The following KLHL23 variants were observed in gnomAD, a reference collection of about 807,000 sequenced individuals.
KLHL23 encodes kelch-like protein 23.
KLHL23 carries 33 observed loss-of-function variants against 48.9 expected under a neutral mutation model. The observed-to-expected ratio is 0.67, with a 90% CI of 0.51 to 0.90. The LOEUF (loss-of-function observed/expected upper bound fraction) is 0.90. KLHL23 is among the 40% of genes least tolerant of loss of function. KLHL23 has a pLI of 0.00. For missense variants in KLHL23, 608 were observed against 669.6 expected (o/e 0.91, Z 1.02); for synonymous variants, 234 against 231.6 (o/e 1.01, Z -0.09).
At chr2:169,741,266 G>A in intron 2 of KLHL23, 119 bp from the exon 3 acceptor site, 1 of 1,367,236 alleles carries the variant, frequency 7.3e-7, no homozygotes, top group Non-Finnish European at 9.9e-7. Context: ...ATAGCACTTA[G>A]CACAGTACCT....
At position 169,749,434 on chromosome 2, in the gene KLHL23, G is replaced by A; in HGVS notation, c.1379G>A (p.Cys460Tyr). Residue 460 changes from cysteine (C) to tyrosine (Y), a missense_variant, in exon 4 of 4, where the codon TGC becomes TAC. Physicochemically the swap from Cys to Tyr is radical, Grantham distance 194. Around this residue, in one of 3 missense-constraint regions of KLHL23, gnomAD observed 179 missense variants for 169.9 expected, o/e 1.05. Coordinates refer to ENST00000392647, the MANE Select transcript of KLHL23 (RefSeq NM_144711.6). ...TTCTTTTTAAAAGAATATGGATTGT[G>A]CTCAGTTCCGTTTGAAAATAAGCTC... ...TSSPHPEYGL[C>Y]SVPFENKLYL... 2 of 1,610,314 alleles carry A rather than the reference G, an allele frequency of 1.2e-6. No individual in the cohort carries two copies. Among genetic ancestry groups the A allele is most frequent in the Non-Finnish European group, 1.7e-6 (2 of 1,177,184 alleles).
rs144124483 is a variant in KLHL23, at chr2:169,736,550, C to G, written c.1213+323C>G. Among the ~76,000 whole-genome samples, 957 of 152,282 alleles carry G rather than the reference C, an allele frequency of 6.3e-3. 11 individuals carry two copies. The highest frequency in any genetic ancestry group is 0.022 in the African/African-American group (921 of 41,550). ...CTCTCAAAATACGCTGATCAGCTCT[C>G]AAGAGGTCCTTCATTAAAACCTTGG... On this transcript the variant is annotated intron_variant, in intron 2 of 3. Transcript: ENST00000392647.
Position 169,735,307 on chromosome 2 carries a change from C to A in KLHL23, c.293C>A (p.Ser98Tyr). The A allele has an allele frequency of 6.2e-7, 1 of 1,613,560 alleles. No homozygotes were observed. Among genetic ancestry groups the A allele is most frequent in the East Asian group, 2.2e-5 (1 of 44,878 alleles). Reference protein sequence around the residue: ...LEGLVNYAYTSQIEITKRNVQ... With the variant: ...LEGLVNYAYTYQIEITKRNVQ... The stretch of plus-strand genomic sequence containing the variant: ...GGCCTTGTAAATTATGCATACACTT[C>A]CCAAATTGAAATAACTAAAAGAAAT... Residue 98 changes from serine to tyrosine, a missense_variant, in exon 2 of 4, where the codon TCC becomes TAC. Physicochemically the swap from Ser to Tyr is moderately radical, Grantham distance 144 (BLOSUM62 -2). Coordinates refer to ENST00000392647, the MANE Select transcript of KLHL23 (RefSeq NM_144711.6). The surrounding 1 kb of genome is among the most constrained non-coding windows in gnomAD (Gnocchi z 4.5).
intron 3 of KLHL23, among the ~76,000 whole-genome samples, chr2:169,742,502 C>G (rs1335114546): frequency 2.0e-5 from 3 of 152,226 alleles, no homozygotes; most frequent in African/African-American, 7.2e-5. Context: ...GACCAGGGTT[C>G]AAAATCTGAC....
At position 169,741,494 on chromosome 2, in the gene KLHL23, C is replaced by A. The variant is rs377752404; in HGVS notation, c.1323C>A (p.Ser441=). Residue 441 remains serine (S), a synonymous_variant, in exon 3 of 4, where the codon TCC becomes TCA. Coordinates refer to ENST00000392647, the MANE Select transcript of KLHL23 (RefSeq NM_144711.6). ...ATGACAAAGTTCAGAGCTACAATTC[C>A]GATATCAACGAATGGAGCCTCATCA... ...CTYDKVQSYN[S]DINEWSLITS... 2 of 1,613,694 alleles carry A rather than the reference C, an allele frequency of 1.2e-6. No homozygotes were observed. The highest frequency in any genetic ancestry group is 1.7e-6 in the Non-Finnish European group (2 of 1,179,892).
At position 169,740,768 on chromosome 2, in the gene KLHL23, ATAT is replaced by A. The variant is rs1688656578; in HGVS notation, c.1214-616_1214-614del. 3.3e-4 allele frequency among the ~76,000 whole-genome samples: 14 copies of A among 41,878 alleles called. 4 individuals are homozygous for A. The highest frequency in any genetic ancestry group is 3.3e-3 in the East Asian group (6 of 1,822). The allele number at this position is 41,878 out of a possible 152,430, so 27.5% of individuals were successfully genotyped here. On this transcript the variant is annotated intron_variant, in intron 2 of 3. Transcript: ENST00000392647. ...CGGCCTCTATAAGCTTTTTTATATTATATATATATATATATATATATATAACTT... is the reference window on the plus strand; with the variant it reads ...CGGCCTCTATAAGCTTTTTTATATTAATATATATATATATATATATAACTT...
Position 169,749,937 on chromosome 2 carries a change from A to ATATATATGTGTT in KLHL23, c.*205_*206insTATATATGTGTT, listed in dbSNP as rs1688904625. 3 of 271,696 alleles carry ATATATATGTGTT rather than the reference A, an allele frequency of 1.1e-5. No homozygotes were observed. Among genetic ancestry groups the ATATATATGTGTT allele is most frequent in the Admixed American group, 4.9e-5 (1 of 20,502 alleles). 16.8% of individuals were successfully genotyped at this position (271,696 alleles called of 1,614,324 possible). ...CTTATATATATATATATATACACACACACATATATGTGTTCATATATATGT... is the reference window on the plus strand; with the variant it reads ...CTTATATATATATATATATACACACATATATATGTGTTCACATATATGTGTTCATATATATGT... On this transcript the variant is annotated 3_prime_UTR_variant, in exon 4 of 4. Transcript: ENST00000392647.
At position 169,746,551 on chromosome 2, in the gene KLHL23, G is replaced by A. The variant is rs187863975; in HGVS notation, c.1367-2871G>A. Among the ~76,000 whole-genome samples the A allele has an allele frequency of 1.9e-3, 290 of 152,306 alleles. 1 individual carries two copies. Among genetic ancestry groups the A allele is most frequent in the Non-Finnish European group, 3.3e-3 (222 of 68,032 alleles). On this transcript the variant is annotated intron_variant, in intron 3 of 3. Transcript: ENST00000392647. ...TGCTGCTATATACTCAGTGCTAGGA[G>A]CACAGTGAGCAAGGCACAGTCCCAG...
At chr2:169,741,122 A>G (rs1688667227) in intron 2 of KLHL23, 2 of 305,154 alleles carry the variant, frequency 6.6e-6, no homozygotes, top group South Asian at 1.1e-4. Context: ...CAGTATCACT[A>G]GGTGATAGGA....
chr2:169,738,861 CCCTCTCTT>C (rs1688590452), intron 2 of KLHL23, among the ~76,000 whole-genome samples: 1 of 2,414 alleles, frequency 4.1e-4, no homozygotes, highest in Non-Finnish European at 6.8e-4. Flanking sequence ...CCTCACCCTC[CCCTCTCTT>C]CCCCCTTCCC....
chr2:169,736,220 G>C lies in KLHL23; in HGVS notation c.1206G>C (p.Met402Ile). The change falls in exon 2 of 4, where the codon ATG becomes ATC. Residue 402 changes from methionine (M) to isoleucine (I), a missense_variant. Met to Ile is a conservative substitution (Grantham distance 10, BLOSUM62 1). Transcript: ENST00000392647. ...AGAAATGGATTCCTATTGCAAACAT[G>C]ATTAAAGGTAAGTGGAGATTATGTT... Reference protein sequence around the residue: ...LKEKWIPIANMIKGVGNATAC... With the variant: ...LKEKWIPIANIIKGVGNATAC... 1 of 1,603,578 alleles carries C rather than the reference G, an allele frequency of 6.2e-7. No homozygotes were observed. Among genetic ancestry groups the C allele is most frequent in the Non-Finnish European group, 8.5e-7 (1 of 1,175,684 alleles).
chr2:169,739,777 T>C (rs993210823), intron 2 of KLHL23, among the ~76,000 whole-genome samples: 3 of 152,192 alleles, frequency 2.0e-5, no homozygotes, highest in Non-Finnish European at 4.4e-5. Flanking sequence ...AATTTTGTCA[T>C]GTGAACGTTA....
chr2:169,745,619 A>G (rs952647718), intron 3 of KLHL23, among the ~76,000 whole-genome samples: 1 of 151,922 alleles, frequency 6.6e-6, no homozygotes, highest in East Asian at 1.9e-4. Flanking sequence ...ACCAAGGGAG[A>G]AATGCTGAAA....
At chr2:169,738,445 A>G (rs1442779063) in intron 2 of KLHL23, among the ~76,000 whole-genome samples, 1 of 152,104 alleles carries the variant, frequency 6.6e-6, no homozygotes, top group East Asian at 1.9e-4. Flanking sequence ...GGTAGAAAGG[A>G]TAACATTTTT....
chr2:169,734,216 GCAGA>G (rs1688454004), intron 1 of KLHL23, 129 bp downstream of exon 1: 1 of 147,476 alleles, frequency 6.8e-6, no homozygotes, highest in South Asian at 1.8e-4. Context: ...GGAGAGGAGC[GCAGA>G]CAATGGCCGC....
At chr2:169,738,257 T>A (rs946199450) in intron 2 of KLHL23, among the ~76,000 whole-genome samples, 5 of 151,238 alleles carry the variant, frequency 3.3e-5, no homozygotes, top group African/African-American at 9.8e-5. Context: ...AAACAATTTT[T>A]AAAATTTTAT....
chr2:169,744,694 G>T (rs1688756810), intron 3 of KLHL23, among the ~76,000 whole-genome samples: 1 of 151,894 alleles, frequency 6.6e-6, no homozygotes, highest in Admixed American at 6.6e-5. Flanking sequence ...AAGTAGCTGA[G>T]ATTACAGGCG....
rs142098349 is a variant in KLHL23 at position 169,748,355 on chromosome 2, C to T, written c.1367-1067C>T. 1.6e-3 allele frequency among the ~76,000 whole-genome samples: 243 copies of T among 152,290 alleles called. 3 individuals carry two copies. The highest frequency in any genetic ancestry group is 0.01 in the Middle Eastern group (3 of 294). ...CAGAAGGAACAGCTCAGCGATAGTG[C>T]GCTAAATCTTTCCTTGCTTTAATTT... On this transcript the variant is annotated intron_variant, in intron 3 of 3. Transcript: ENST00000392647.
chr2:169,735,398 GT>G lies in KLHL23; in HGVS notation c.389del (p.Leu130TrpfsTer2). The G allele has an allele frequency of 6.2e-7, 1 of 1,613,576 alleles. No homozygotes were observed. Among genetic ancestry groups the G allele is most frequent in the Non-Finnish European group, 8.5e-7 (1 of 1,179,928 alleles). ...TTTCAGTAAAGAAGGCTTGTGAGCGGTTTTTGGTAAGGCACTTGGATATTGA... is the reference window on the plus strand; with the variant it reads ...TTTCAGTAAAGAAGGCTTGTGAGCGGTTTTGGTAAGGCACTTGGATATTGA... The part of the protein sequence containing the change: ...FLSVKKACER[F>X]LVRHLDIDNC... On this transcript the variant is annotated frameshift_variant, in exon 2 of 4. Coordinates refer to ENST00000392647, the MANE Select transcript of KLHL23 (RefSeq NM_144711.6). LOFTEE classifies it high-confidence loss of function. This position sits in a 1 kb window ranked among gnomAD's most constrained non-coding sequence, Gnocchi z 4.5.
Sources: gnomAD v4.1 joint callset for allele counts (sites outside exome capture counted in the v4.1 genomes callset) on GRCh38, gnomAD v4.1.1 for gene constraint, gnomAD v4.1.1 regional missense constraint, Gnocchi (gnomAD v3.1) non-coding constraint, MANE v1.5 for transcripts, NCBI Gene and HGNC (gene_info 2026-07-23, HGNC 2026-07-21) for gene names.